SYNPR: variants seen among roughly 807,000 people sequenced by gnomAD.
The protein encoded by SYNPR is synaptoporin.
A neutral mutation model predicts 32.9 loss-of-function variants in SYNPR; 23 were observed. The ratio of observed to expected loss-of-function variants is 0.70; its 90% CI spans 0.50 to 0.99. The LOEUF is 0.99. Among genes scored for constraint, SYNPR ranks in the 50% least tolerant of loss-of-function variants. The pLI is 0.00. For synonymous variants in SYNPR, 146 were observed against 135.9 expected (o/e 1.07, Z -0.52); for missense variants, 318 against 349.3 (o/e 0.91, Z 0.71).
chr3:63,461,352 T>C (rs1700582119), intron 2 of SYNPR, among the ~76,000 whole-genome samples: 1 of 152,170 alleles, frequency 6.6e-6, no homozygotes, highest in Admixed American at 6.6e-5. Flanking sequence ...CTACTCCCTC[T>C]GGCATTTGTC....
rs536308428 is a variant in SYNPR, at chr3:63,478,715, G to A, written c.85-2117G>A. ...TTCCGTCTCACTTAGTTTTCTCAGCGATTCAGAGAGACATAGGGGTTATCC... is the reference window on the plus strand; with the variant it reads ...TTCCGTCTCACTTAGTTTTCTCAGCAATTCAGAGAGACATAGGGGTTATCC... On this transcript the variant is annotated intron_variant, in intron 2 of 5. Coordinates refer to ENST00000478300, the MANE Select transcript of SYNPR (RefSeq NM_001130003.2). Among the ~76,000 whole-genome samples the A allele has an allele frequency of 4.9e-4, 74 of 152,288 alleles. 1 individual carries two copies. Among genetic ancestry groups the A allele is most frequent in the African/African-American group, 1.6e-3 (67 of 41,570 alleles).
rs114688905 is a variant in SYNPR at position 63,534,769 on chromosome 3, G to A, written c.210-21774G>A. Among the ~76,000 whole-genome samples the A allele has an allele frequency of 4.9e-3, 742 of 152,266 alleles. 6 individuals carry two copies. Among genetic ancestry groups the A allele is most frequent in the African/African-American group, 0.017 (709 of 41,558 alleles). On this transcript the variant is annotated intron_variant, in intron 3 of 5. Transcript: ENST00000478300. Reference sequence around the variant, plus strand: ...GGACCACTGTGTATGATGAGGTAACGTGGTGACAGAGGATGCAAAAGTTGG... The same window carrying A: ...GGACCACTGTGTATGATGAGGTAACATGGTGACAGAGGATGCAAAAGTTGG...
chr3:63,349,212 C>A (rs778098155), intron 2 of SYNPR, among the ~76,000 whole-genome samples: 2 of 151,998 alleles, frequency 1.3e-5, no homozygotes, highest in African/African-American at 4.8e-5. Context: ...AAGCAATTAT[C>A]CTGCCTCAGC....
intron 3 of SYNPR, among the ~76,000 whole-genome samples, chr3:63,272,493 C>G (rs2086545191): frequency 6.7e-6 from 1 of 149,782 alleles, no homozygotes; most frequent in South Asian, 2.1e-4. Context: ...TAAAACTGAC[C>G]CAATCGTTCC....
intron 3 of SYNPR, among the ~76,000 whole-genome samples, chr3:63,539,942 A>G (rs1702270081): frequency 1.3e-5 from 2 of 152,086 alleles, no homozygotes; most frequent in South Asian, 4.1e-4. Context: ...TAACTTTCCC[A>G]CACTTCCAGC....
intron 2 of SYNPR, among the ~76,000 whole-genome samples, chr3:63,304,400 C>T (rs2086887937): frequency 6.6e-6 from 1 of 151,344 alleles, no homozygotes; most frequent in Non-Finnish European, 1.5e-5. Flanking sequence ...TTTTAAATCA[C>T]CGGTCATTTT....
At chr3:63,369,525 A>G (rs2087770074) in intron 2 of SYNPR, among the ~76,000 whole-genome samples, 1 of 152,216 alleles carries the variant, frequency 6.6e-6, no homozygotes, top group African/African-American at 2.4e-5. Flanking sequence ...ATATTTCTTT[A>G]TCTTTTACTT....
chr3:63,370,930 G>C (rs2087803785), intron 2 of SYNPR, among the ~76,000 whole-genome samples: 1 of 152,078 alleles, frequency 6.6e-6, no homozygotes, highest in Non-Finnish European at 1.5e-5. Flanking sequence ...TAAATATGGG[G>C]GAGAGCCAAG....
intron 2 of SYNPR, among the ~76,000 whole-genome samples, chr3:63,422,204 G>A (rs768566832): frequency 4.6e-5 from 7 of 152,148 alleles, no homozygotes; most frequent in Non-Finnish European, 8.8e-5. Flanking sequence ...AGAAGTGGAG[G>A]GAAAGATGTA....
intron 3 of SYNPR, among the ~76,000 whole-genome samples, chr3:63,530,412 A>G (rs1393095394): frequency 1.3e-5 from 2 of 152,114 alleles, no homozygotes; most frequent in Non-Finnish European, 2.9e-5. Flanking sequence ...CACTCCCTAA[A>G]GTCTCCAATC....
At chr3:63,599,185 C>T (rs911941843) in intron 4 of SYNPR, among the ~76,000 whole-genome samples, 1 of 152,078 alleles carries the variant, frequency 6.6e-6, no homozygotes, top group Non-Finnish European at 1.5e-5. Flanking sequence ...GTCTTATCCC[C>T]TGGTGACATC....
At chr3:63,473,964 C>T (rs1439599758) in intron 2 of SYNPR, among the ~76,000 whole-genome samples, 34 of 152,098 alleles carry the variant, frequency 2.2e-4, no homozygotes. Context: ...TCATGTTTCC[C>T]AAAAGGAGAT....
intron 2 of SYNPR, among the ~76,000 whole-genome samples, chr3:63,413,389 T>C (rs935527113): frequency 6.6e-6 from 1 of 152,190 alleles, no homozygotes; most frequent in African/African-American, 2.4e-5. Flanking sequence ...AAAGTTAAGA[T>C]TCGTTTGGTC....
At chr3:63,300,607 G>A (rs1463721673) in intron 2 of SYNPR, among the ~76,000 whole-genome samples, 2 of 152,022 alleles carry the variant, frequency 1.3e-5, no homozygotes, top group African/African-American at 4.8e-5. Flanking sequence ...TTGGCTGAAT[G>A]AAACCACCTC....
At chr3:63,589,557 T>C (rs1053464732) in intron 4 of SYNPR, among the ~76,000 whole-genome samples, 8 of 150,958 alleles carry the variant, frequency 5.3e-5, no homozygotes, top group African/African-American at 1.9e-4. Context: ...AAATCCTCAA[T>C]AAAATACTGG....
intron 2 of SYNPR, among the ~76,000 whole-genome samples, chr3:63,448,680 A>G (rs1228219687): frequency 6.6e-6 from 1 of 152,102 alleles, no homozygotes; most frequent in Non-Finnish European, 1.5e-5. Flanking sequence ...TTTTTTATTT[A>G]ATAAATATTT....
At position 63,312,103 on chromosome 3, in the gene SYNPR, C is replaced by A. The variant is rs527834814; in HGVS notation, c.84+33361C>A. Among the ~76,000 whole-genome samples, 6 of 152,076 alleles carry A rather than the reference C, an allele frequency of 3.9e-5. No individual in the cohort carries two copies. The South Asian group carries it at 1.2e-3, about 32-fold the overall frequency. On this transcript the variant is annotated intron_variant, in intron 2 of 5. Transcript: ENST00000478300. ...TCTAATGTGCAAAAATGAAATAAAT[C>A]CGGCAATGAAATGAGTCATAATAAA...
chr3:63,240,668 A>T (rs1243825805), intron 1 of SYNPR, among the ~76,000 whole-genome samples: 1 of 152,116 alleles, frequency 6.6e-6, no homozygotes, highest in Non-Finnish European at 1.5e-5. Context: ...ATGAAGGGAG[A>T]TATCCATCAT....
chr3:63,313,770 C>T (rs1395006567), intron 2 of SYNPR, among the ~76,000 whole-genome samples: 1 of 11,286 alleles, frequency 8.9e-5, no homozygotes, highest in Non-Finnish European at 2.1e-4. Flanking sequence ...TATATATATC[C>T]ATATATATAT....
Sources: allele counts gnomAD v4.1 joint callset (sites outside exome capture counted in the v4.1 genomes callset), GRCh38; gene constraint gnomAD v4.1.1; transcripts MANE v1.5; gene names NCBI Gene and HGNC (gene_info 2026-07-23, HGNC 2026-07-21).